The following CHD7 variants were observed in gnomAD, a reference collection of about 807,000 sequenced individuals.
CHD7 encodes chromodomain helicase DNA binding protein 7.
CHD7 carries 24 observed loss-of-function variants against 307.3 expected under a neutral mutation model. That is an observed-to-expected ratio of 0.08 (90% CI 0.06 to 0.11). The LOEUF (loss-of-function observed/expected upper bound fraction) is 0.11. Ranked by LOEUF, CHD7 falls within the 10% of genes least tolerant of loss-of-function variation. The pLI, the probability that CHD7 is intolerant of heterozygous loss-of-function variation, is 1.00. For missense variants in CHD7, 3,106 were observed against 3,727.1 expected, an observed-to-expected ratio of 0.83 and a Z score of 4.34; for synonymous variants, 1,363 against 1,349.9, an observed-to-expected ratio of 1.01 and a Z score of -0.21.
Position 60,801,383 on chromosome 8 carries a change from C to T in CHD7, c.2377-145C>T, listed in dbSNP as rs575819644. The T allele has an allele frequency of 1.2e-4, 74 of 602,880 alleles. 2 individuals carry two copies. The South Asian group carries it at 1.3e-3, about 11-fold the overall frequency. The allele number at this position is 602,880 out of a possible 1,614,324, so 37.3% of individuals were successfully genotyped here. Reference sequence around the variant, plus strand: ...TTTCAGTAGAGTGAGATTTTTGTTCCTTTCAATCGTGTTTCTCACTGATAA... The same window carrying T: ...TTTCAGTAGAGTGAGATTTTTGTTCTTTTCAATCGTGTTTCTCACTGATAA... On this transcript the variant is annotated intron_variant, in intron 5 of 37. Coordinates refer to ENST00000423902, the MANE Select transcript of CHD7 (RefSeq NM_017780.4).
At chr8:60,772,596 C>G (rs1810764104) in intron 2 of CHD7, among the ~76,000 whole-genome samples, 1 of 152,156 alleles carries the variant, frequency 6.6e-6, no homozygotes, top group South Asian at 2.1e-4. Flanking sequence ...TTCCAGACAC[C>G]TCTTTGAGAA....
In CHD7 at chr8:60,812,718, T is replaced by C. The variant is rs576257233; in HGVS notation, c.2499-3669T>C. Among the ~76,000 whole-genome samples, 3 of 151,882 alleles carry C rather than the reference T, an allele frequency of 2.0e-5. No homozygotes were observed. The East Asian group carries it at 5.8e-4, about 29-fold the overall frequency. ...ACTCAGTGATTTGAGATCCAAACTT[T>C]ATTTTGTCCTAAAGTTTTTATTTAT... On this transcript the variant is annotated intron_variant, in intron 7 of 37. Transcript: ENST00000423902.
At chr8:60,766,948 T>C (rs914740895) in intron 2 of CHD7, among the ~76,000 whole-genome samples, 3 of 152,090 alleles carry the variant, frequency 2.0e-5, no homozygotes, top group African/African-American at 7.2e-5. Flanking sequence ...AAAGCACAGA[T>C]AGAGTTGAGA....
chr8:60,860,483 G>A (rs1220733091), intron 34 of CHD7, among the ~76,000 whole-genome samples: 2 of 152,192 alleles, frequency 1.3e-5, no homozygotes, highest in Non-Finnish European at 2.9e-5. Flanking sequence ...TGCCTAGGCT[G>A]GAGTGCAGTG....
In CHD7 at chr8:60,842,922, C is replaced by T. The variant is rs543393746; in HGVS notation, c.4850+870C>T. 8.5e-5 allele frequency among the ~76,000 whole-genome samples: 13 copies of T among 152,328 alleles called. No individual in the cohort carries two copies. The East Asian group carries it at 2.5e-3, about 29-fold the overall frequency. On this transcript the variant is annotated intron_variant, in intron 21 of 37. Transcript: ENST00000423902. ...TCCTTCAGTGCGCCACGCTCCATCT[C>T]ATCTGTGTCTTTGCACAAGCTCTTC...
intron 1 of CHD7, among the ~76,000 whole-genome samples, chr8:60,733,628 G>A (rs1204201457): frequency 1.3e-5 from 2 of 152,194 alleles, no homozygotes; most frequent in African/African-American, 4.8e-5. Context: ...CATAATTTAT[G>A]TATGGGGTAA....
At position 60,848,527 on chromosome 8, in the gene CHD7, T is replaced by A. The variant is rs1805310805; in HGVS notation, c.5223T>A (p.Arg1741=). The change falls in exon 24 of 38, where the codon CGT becomes CGA. Residue 1741 remains arginine (R), a synonymous_variant. Transcript: ENST00000423902. ...LKHHCNKVLL[R]VRMLYYLRQE... Reference sequence around the variant, plus strand: ...TCTTCCTCTCCAGGGTCCTGCTGCGTGTCCGCATGCTGTACTACCTAAGAC... The same window carrying A: ...TCTTCCTCTCCAGGGTCCTGCTGCGAGTCCGCATGCTGTACTACCTAAGAC... 2 of 1,613,304 alleles carry A rather than the reference T, an allele frequency of 1.2e-6. No homozygotes were observed. The highest frequency in any genetic ancestry group is 1.1e-5 in the South Asian group (1 of 90,872).
chr8:60,740,952 T>A (rs1409003765), intron 1 of CHD7, among the ~76,000 whole-genome samples: 3 of 152,180 alleles, frequency 2.0e-5, no homozygotes, highest in Non-Finnish European at 2.9e-5. Context: ...CTGCTTCACG[T>A]TGTGTTCTTT....
intron 1 of CHD7, among the ~76,000 whole-genome samples, chr8:60,704,101 T>C (rs928866012): frequency 6.6e-6 from 1 of 152,138 alleles, no homozygotes; most frequent in Non-Finnish European, 1.5e-5. Flanking sequence ...AACCTACTCA[T>C]AGAAAAATTT....
chr8:60,850,423 G>A (rs2150804379), intron 25 of CHD7, 70 bp from the exon 26 acceptor site: 1 of 1,543,580 alleles, frequency 6.5e-7, no homozygotes, highest in African/African-American at 1.4e-5. Flanking sequence ...TGGCAGTGCT[G>A]TGATTTTGCC....
chr8:60,792,113 T>G (rs941193053), intron 3 of CHD7, among the ~76,000 whole-genome samples: 8 of 152,312 alleles, frequency 5.3e-5, no homozygotes, highest in Non-Finnish European at 1.0e-4. Context: ...CTCAGACAAA[T>G]TAAGTAACTT....
intron 1 of CHD7, among the ~76,000 whole-genome samples, chr8:60,680,608 A>G (rs1805573071): frequency 6.6e-6 from 1 of 152,050 alleles, no homozygotes; most frequent in African/African-American, 2.4e-5. Flanking sequence ...CGCCCCCGTG[A>G]AGCGAGCGGC....
chr8:60,829,780 A>G (rs6997222), intron 14 of CHD7, among the ~76,000 whole-genome samples: 109,618 of 152,076 alleles, frequency 0.72, 40,527 homozygotes, highest in East Asian at 0.93. Flanking sequence ...CTCAGTTCAG[A>G]GTAAGGTCTG....
At chr8:60,810,789 G>T (rs544213861) in intron 7 of CHD7, among the ~76,000 whole-genome samples, 6 of 152,106 alleles carry the variant, frequency 3.9e-5, no homozygotes, top group African/African-American at 1.4e-4. Context: ...TACCCCACCA[G>T]TGTGGTTTGT....
At chr8:60,739,801 G>T (rs1484846367) in intron 1 of CHD7, among the ~76,000 whole-genome samples, 4 of 152,316 alleles carry the variant, frequency 2.6e-5, no homozygotes, top group Non-Finnish European at 2.9e-5. Context: ...TCTCAGGAGT[G>T]TTGGTTAGCC....
chr8:60,814,360 A>G (rs151093432), intron 7 of CHD7, among the ~76,000 whole-genome samples: 12 of 152,360 alleles, frequency 7.9e-5, no homozygotes, highest in Middle Eastern at 3.4e-3. Context: ...AGGCAAGAAT[A>G]CTAACTGACT....
chr8:60,855,954 T>C (rs938349561), intron 32 of CHD7, 21 bp from the exon 33 acceptor site: 8 of 1,527,120 alleles, frequency 5.2e-6, no homozygotes, highest in Admixed American at 3.7e-5. Flanking sequence ...AAATTTCTTG[T>C]GACTTTTCTT....
At chr8:60,832,377 G>A (rs962471255) in intron 15 of CHD7, among the ~76,000 whole-genome samples, 4 of 152,104 alleles carry the variant, frequency 2.6e-5, no homozygotes, top group African/African-American at 9.7e-5. Context: ...AGTATCATGT[G>A]TGATGATTAT....
intron 1 of CHD7, among the ~76,000 whole-genome samples, chr8:60,706,807 G>A: frequency 6.6e-6 from 1 of 151,934 alleles, no homozygotes; most frequent in Middle Eastern, 3.2e-3. Flanking sequence ...AATCTACAAA[G>A]ATCTTTTTAA....
Sources: gnomAD v4.1 joint callset for allele counts (sites outside exome capture counted in the v4.1 genomes callset) on GRCh38, gnomAD v4.1.1 for gene constraint, MANE v1.5 for transcripts, NCBI Gene and HGNC (gene_info 2026-07-23, HGNC 2026-07-21) for gene names.